Variants in PSMC1 observed in about 807,000 individuals in gnomAD.
PSMC1 encodes the protein 26S proteasome regulatory subunit 4.
Under a neutral mutation model 49.8 loss-of-function variants are expected in PSMC1, and 5 were observed. The observed-to-expected ratio is 0.10, with a 90% CI of 0.05 to 0.21. The LOEUF is 0.21. Ranked by LOEUF, PSMC1 falls within the 10% of genes least tolerant of loss-of-function variation. The pLI, the probability that PSMC1 is intolerant of heterozygous loss-of-function variation, is 1.00. For synonymous variants in PSMC1, 155 were observed against 192.1 expected, an observed-to-expected ratio of 0.81 and a Z score of 1.60; for missense variants, 181 against 535.7, an observed-to-expected ratio of 0.34 and a Z score of 6.54.
chr14:90,267,769 C>A (rs1009567380), intron 7 of PSMC1: 1 of 154,650 alleles, frequency 6.5e-6, no homozygotes, highest in African/African-American at 2.4e-5. Context: ...TGATGGTTTC[C>A]TAGGAGTTTA....
In PSMC1 at chr14:90,274,681, G is replaced by A. The variant is rs537170882; in HGVS notation, c.*2274G>A. On this transcript the variant is annotated 3_prime_UTR_variant, in exon 11 of 11. Coordinates refer to ENST00000261303, the MANE Select transcript of PSMC1 (RefSeq NM_002802.3). ...GATAAGGACATGTCCTAAGGACACC[G>A]AAGCCTATGTGAAGGGGCTTCCACT... The A allele has an allele frequency of 9.9e-5, 15 of 152,234 alleles. No homozygotes were observed. The highest frequency in any genetic ancestry group is 6.2e-4 in the South Asian group (3 of 4,818). The allele number at this position is 152,234 out of a possible 1,614,324, so 9.4% of individuals were successfully genotyped here.
At chr14:90,270,053 T>C (rs1293743666) in intron 9 of PSMC1, 145 bp from the exon 10 acceptor site, 3 of 810,712 alleles carry the variant, frequency 3.7e-6, no homozygotes, top group African/African-American at 3.5e-5. Context: ...AAAATATATG[T>C]TTACTTTTTA....
chr14:90,259,329 T>A, intron 2 of PSMC1, 116 bp downstream of exon 2: 1 of 915,710 alleles, frequency 1.1e-6, no homozygotes, highest in Admixed American at 2.4e-5. Flanking sequence ...ATCCAGTAGT[T>A]TTTAAACTAG....
chr14:90,268,369 G>A lies in PSMC1; in HGVS notation c.837G>A (p.Pro279=), dbSNP rs61735655. Residue 279 remains proline, a synonymous_variant, in exon 8 of 11, where the codon CCG becomes CCA. Coordinates refer to ENST00000261303, the MANE Select transcript of PSMC1 (RefSeq NM_002802.3). ...TCCGAGTTGCTGAAGAACATGCACC[G>A]TCCATCGTGTTTATTGATGAAATTG... ...ELFRVAEEHA[P]SIVFIDEIDA... The A allele has an allele frequency of 3.0e-4, 480 of 1,613,178 alleles. 1 individual carries two copies. Among genetic ancestry groups the A allele is most frequent in the Non-Finnish European group, 3.7e-4 (442 of 1,179,658 alleles).
intron 7 of PSMC1, chr14:90,267,952 G>A: frequency 3.1e-6 from 1 of 327,424 alleles, no homozygotes; most frequent in Non-Finnish European, 5.5e-6. Flanking sequence ...CTGGGTCAAG[G>A]TTGGAAAATA....
chr14:90,273,866 C>G lies in PSMC1; in HGVS notation c.*1459C>G. The G allele has an allele frequency of 6.4e-6, 1 of 155,082 alleles. No individual in the cohort carries two copies. The highest frequency in any genetic ancestry group is 5.2e-4 in the Middle Eastern group (1 of 1,926). 9.6% of individuals were successfully genotyped at this position (155,082 alleles called of 1,614,324 possible). A position where few individuals can be genotyped will look rare whatever the true frequency, so the allele number is the denominator to read the frequency against. ...TCCACCAGCAGCAGCAGGCCCAGTC[C>G]CTCTCTCCCACCGACCCTTCTTTCT... On this transcript the variant is annotated 3_prime_UTR_variant, in exon 11 of 11. Transcript: ENST00000261303.
chr14:90,257,943 C>T (rs922877037), intron 1 of PSMC1, among the ~76,000 whole-genome samples: 2 of 152,212 alleles, frequency 1.3e-5, no homozygotes, highest in Non-Finnish European at 2.9e-5. Context: ...GTACCAAGTA[C>T]TTTTCCAGCA....
intron 6 of PSMC1, among the ~76,000 whole-genome samples, chr14:90,264,397 A>G (rs888458820): frequency 2.0e-5 from 3 of 152,094 alleles, no homozygotes; most frequent in African/African-American, 7.2e-5. Context: ...CCTTCTTTTT[A>G]GTGTAATGTT....
At position 90,274,832 on chromosome 14, in the gene PSMC1, A is replaced by AC. The variant is rs1401375991; in HGVS notation, c.*2426dup. ...CACACACACACACACACACACACAC[A>AC]CACACACCCCAATACATATGAATTG... is the stretch of plus-strand genomic sequence containing the variant. On this transcript the variant is annotated 3_prime_UTR_variant, in exon 11 of 11. Transcript: ENST00000261303. The AC allele has an allele frequency of 9.4e-4, 61 of 64,640 alleles. 1 individual carries two copies. Among genetic ancestry groups the AC allele is most frequent in the Admixed American group, 8.3e-3 (49 of 5,932 alleles). The allele number at this position is 64,640 out of a possible 1,614,324, so 4.0% of individuals were successfully genotyped here.
Position 90,272,254 on chromosome 14 carries a change from A to G in PSMC1, c.1189-19A>G, listed in dbSNP as rs1309707235. On this transcript the variant is annotated intron_variant, in intron 10 of 10. Coordinates refer to ENST00000261303, the MANE Select transcript of PSMC1 (RefSeq NM_002802.3). The surrounding 1 kb of genome is among the most constrained non-coding windows in gnomAD (Gnocchi z 4.5). ...AAAATGAGTATGTCACTTTCTGAAC[A>G]CACTCTTCTTTCTTACAGGCAATCT... is the stretch of plus-strand genomic sequence containing the variant. The G allele has an allele frequency of 6.2e-7, 1 of 1,600,900 alleles. No individual in the cohort carries two copies. Among genetic ancestry groups the G allele is most frequent in the Non-Finnish European group, 8.5e-7 (1 of 1,177,328 alleles).
At chr14:90,269,011 GACAA>G (rs1370215347) in intron 8 of PSMC1, 1 of 164,862 alleles carries the variant, frequency 6.1e-6, no homozygotes, top group African/African-American at 2.4e-5. Flanking sequence ...ATGCTCAGGG[GACAA>G]ACAAAAGAGC....
At position 90,272,240 on chromosome 14, in the gene PSMC1, G is replaced by A. The variant is rs1891689258; in HGVS notation, c.1189-33G>A. 1 of 1,598,096 alleles carries A rather than the reference G, an allele frequency of 6.3e-7. No homozygotes were observed. Among genetic ancestry groups the A allele is most frequent in the Non-Finnish European group, 8.5e-7 (1 of 1,176,294 alleles). ...TCCTTGTTAGAATAAAAATGAGTATGTCACTTTCTGAACACACTCTTCTTT... is the reference window on the plus strand; with the variant it reads ...TCCTTGTTAGAATAAAAATGAGTATATCACTTTCTGAACACACTCTTCTTT... On this transcript the variant is annotated intron_variant, in intron 10 of 10. Coordinates refer to ENST00000261303, the MANE Select transcript of PSMC1 (RefSeq NM_002802.3). The surrounding 1 kb of genome is among the most constrained non-coding windows in gnomAD (Gnocchi z 4.5).
Position 90,265,179 on chromosome 14 carries a change from T to C in PSMC1, c.691+13T>C, listed in dbSNP as rs1891479894. ...CCACCTGGCACAGGTATGCTCTGTT[T>C]TTGACACTTTCCAGGCACCCAGCTG... On this transcript the variant is annotated intron_variant, in intron 7 of 10. Transcript: ENST00000261303. 6.3e-7 allele frequency: 1 copy of C among 1,585,170 alleles called. No homozygotes were observed. The highest frequency in any genetic ancestry group is 1.4e-5 in the African/African-American group (1 of 74,008).
Position 90,262,161 on chromosome 14 carries a change from A to G in PSMC1, c.155-1157A>G, listed in dbSNP as rs1355538240. On this transcript the variant is annotated intron_variant, in intron 3 of 10. Coordinates refer to ENST00000261303, the MANE Select transcript of PSMC1 (RefSeq NM_002802.3). ...CTGGGGCCTGTCGTGGGGTGGGGGGAGGGGGAGGGATAGCATTAGGAGATA... is the reference window on the plus strand; with the variant it reads ...CTGGGGCCTGTCGTGGGGTGGGGGGGGGGGGAGGGATAGCATTAGGAGATA... 3.4e-3 allele frequency among the ~76,000 whole-genome samples: 246 copies of G among 71,700 alleles called. 4 individuals are homozygous for G. The highest frequency in any genetic ancestry group is 0.013 in the African/African-American group (233 of 18,382). The allele number at this position is 71,700 out of a possible 152,430, so 47.0% of individuals were successfully genotyped here. A position where few individuals can be genotyped will look rare whatever the true frequency, so the allele number is the denominator to read the frequency against.
rs750878841 is a variant in PSMC1 at position 90,263,456 on chromosome 14, T to G, written c.279+14T>G. 6.4e-7 allele frequency: 1 copy of G among 1,560,792 alleles called. No homozygotes were observed. Among genetic ancestry groups the G allele is most frequent in the East Asian group, 2.2e-5 (1 of 44,578 alleles). ...GAAAAGCAAGAGGTAAGTTGAAAAG[T>G]TACTATCATTTTCTTTTTTACAAAT... On this transcript the variant is annotated intron_variant, in intron 4 of 10. Coordinates refer to ENST00000261303, the MANE Select transcript of PSMC1 (RefSeq NM_002802.3).
At chr14:90,258,129 T>C (rs1891331233) in intron 1 of PSMC1, among the ~76,000 whole-genome samples, 1 of 152,228 alleles carries the variant, frequency 6.6e-6, no homozygotes, top group South Asian at 2.1e-4. Flanking sequence ...ATGTGATTCC[T>C]GGCTCCATCT....
intron 3 of PSMC1, among the ~76,000 whole-genome samples, chr14:90,262,680 A>G (rs1235742480): frequency 6.6e-6 from 1 of 151,992 alleles, no homozygotes; most frequent in Non-Finnish European, 1.5e-5. Context: ...ACTATTCGGG[A>G]GGCTGAGGCA....
In PSMC1 at chr14:90,262,161, A is replaced by AC. The variant is rs1555357782; in HGVS notation, c.155-1157_155-1156insC. 8.4e-5 allele frequency among the ~76,000 whole-genome samples: 6 copies of AC among 71,654 alleles called. 1 individual carries two copies. Among genetic ancestry groups the AC allele is most frequent in the Non-Finnish European group, 1.0e-4 (4 of 38,392 alleles). The allele number at this position is 71,654 out of a possible 152,430, so 47.0% of individuals were successfully genotyped here. ...CTGGGGCCTGTCGTGGGGTGGGGGG[A>AC]GGGGGAGGGATAGCATTAGGAGATA... On this transcript the variant is annotated intron_variant, in intron 3 of 10. Coordinates refer to ENST00000261303, the MANE Select transcript of PSMC1 (RefSeq NM_002802.3).
intron 3 of PSMC1, among the ~76,000 whole-genome samples, chr14:90,262,272 A>G (rs1372143979): frequency 6.6e-6 from 1 of 152,040 alleles, no homozygotes; most frequent in African/African-American, 2.4e-5. Context: ...CGTCATGCAC[A>G]TGTACCCTAA....
Sources: gnomAD v4.1 joint callset for allele counts (sites outside exome capture counted in the v4.1 genomes callset) on GRCh38, gnomAD v4.1.1 for gene constraint, Gnocchi (gnomAD v3.1) non-coding constraint, MANE v1.5 for transcripts, NCBI Gene and HGNC (gene_info 2026-07-23, HGNC 2026-07-21) for gene names.